ABHD17C: variants seen among roughly 807,000 people sequenced by gnomAD.
The protein encoded by ABHD17C is alpha/beta hydrolase domain-containing protein 17C.
A neutral mutation model predicts 27.9 loss-of-function variants in ABHD17C; 11 were observed. The observed-to-expected ratio is 0.39, with a 90% CI of 0.25 to 0.65. The LOEUF (loss-of-function observed/expected upper bound fraction) is 0.65. Ranked by LOEUF, ABHD17C falls within the 30% of genes least tolerant of loss-of-function variation. The pLI, the probability that ABHD17C is intolerant of heterozygous loss-of-function variation, is 0.45. For missense variants in ABHD17C, 280 were observed against 470.2 expected (o/e 0.60, Z 3.74); for synonymous variants, 233 against 209.1 (o/e 1.11, Z -0.98).
At chr15:80,713,449 C>T (rs1201918382) in intron 1 of ABHD17C, among the ~76,000 whole-genome samples, 1 of 131,956 alleles carries the variant, frequency 7.6e-6, no homozygotes, top group Non-Finnish European at 1.5e-5. Context: ...TCCCATTTGT[C>T]CAGAATTAGT....
At chr15:80,725,530 A>G (rs1054082014) in intron 1 of ABHD17C, among the ~76,000 whole-genome samples, 7 of 152,068 alleles carry the variant, frequency 4.6e-5, no homozygotes, top group Admixed American at 2.0e-4. Flanking sequence ...TTATTTATTT[A>G]GAGACAGGGT....
At chr15:80,704,165 A>C (rs1234652191) in intron 1 of ABHD17C, among the ~76,000 whole-genome samples, 1 of 152,190 alleles carries the variant, frequency 6.6e-6, no homozygotes, top group Admixed American at 6.5e-5. Flanking sequence ...AACCATATGA[A>C]GGGGTAGTGG....
intron 1 of ABHD17C, among the ~76,000 whole-genome samples, chr15:80,743,509 G>C (rs1442923972): frequency 2.0e-5 from 3 of 152,180 alleles, no homozygotes; most frequent in African/African-American, 7.2e-5. Context: ...TTTTCCCATT[G>C]TGATACTCCC....
chr15:80,730,142 G>A (rs1226123428), intron 1 of ABHD17C, among the ~76,000 whole-genome samples: 6 of 152,052 alleles, frequency 3.9e-5, no homozygotes, highest in Admixed American at 2.0e-4. Context: ...AGGGCTCAAA[G>A]TGAGCAACTA....
chr15:80,698,285 C>T (rs1047552415), intron 1 of ABHD17C, among the ~76,000 whole-genome samples: 1 of 151,998 alleles, frequency 6.6e-6, no homozygotes, highest in Non-Finnish European at 1.5e-5. Flanking sequence ...AGGATGGTCT[C>T]GACCTCCTGA....
chr15:80,752,780 A>G (rs2141526144), intron 2 of ABHD17C, among the ~76,000 whole-genome samples: 1 of 152,348 alleles, frequency 6.6e-6, no homozygotes, highest in East Asian at 1.9e-4. Context: ...TTATTTGTGG[A>G]TGAAATGACT....
intron 1 of ABHD17C, among the ~76,000 whole-genome samples, chr15:80,709,202 A>G (rs996068153): frequency 1.1e-4 from 17 of 151,662 alleles, no homozygotes; most frequent in Non-Finnish European, 2.1e-4. Flanking sequence ...AAAAAAAGCT[A>G]TTGGGGCCTG....
intron 1 of ABHD17C, among the ~76,000 whole-genome samples, chr15:80,714,543 A>G (rs574921736): frequency 1.3e-5 from 2 of 152,324 alleles, no homozygotes; most frequent in Non-Finnish European, 2.9e-5. Flanking sequence ...GAAAATATTC[A>G]CTACATGCAT....
In ABHD17C at chr15:80,722,732, C is replaced by G. The variant is rs559984930; in HGVS notation, c.590+26713C>G. On this transcript the variant is annotated intron_variant, in intron 1 of 2. Coordinates refer to ENST00000258884, the MANE Select transcript of ABHD17C (RefSeq NM_021214.2). Reference sequence around the variant, plus strand: ...CAACACCTCCCCATTACTGTCTCCCCTAACGCCTGGCAACCACCATTCTAC... The same window carrying G: ...CAACACCTCCCCATTACTGTCTCCCGTAACGCCTGGCAACCACCATTCTAC... Among the ~76,000 whole-genome samples the G allele has an allele frequency of 3.9e-5, 6 of 152,320 alleles. No individual in the cohort carries two copies. In the South Asian group the frequency reaches 1.2e-3, roughly 32 times the overall value.
intron 1 of ABHD17C, among the ~76,000 whole-genome samples, chr15:80,732,419 TAA>T (rs1204539125): frequency 6.6e-6 from 1 of 152,218 alleles, no homozygotes; most frequent in Non-Finnish European, 1.5e-5. Context: ...CATTCTGAGT[TAA>T]GTCATTAACC....
rs1274410630 is a variant in ABHD17C at position 80,695,474 on chromosome 15, G to T, written c.45G>T (p.Glu15Asp). 1 of 1,383,988 alleles carries T rather than the reference G, an allele frequency of 7.2e-7. No homozygotes were observed. Among genetic ancestry groups the T allele is most frequent in the Non-Finnish European group, 9.5e-7 (1 of 1,057,714 alleles). 85.7% of individuals were successfully genotyped at this position (1,383,988 alleles called of 1,614,324 possible). The change falls in exon 1 of 3, where the codon GAG becomes GAT. Residue 15 changes from glutamate (E) to aspartate (D), a missense_variant. Around this residue, in one of 2 missense-constraint regions of ABHD17C, gnomAD observed 74 missense variants for 75.5 expected, o/e 0.98. Coordinates refer to ENST00000258884, the MANE Select transcript of ABHD17C (RefSeq NM_021214.2). The surrounding 1 kb of genome is among the most constrained non-coding windows in gnomAD (Gnocchi z 4.3). ...GGATGAACGGCTTCTCGCTGGGTGA[G>T]CTGTGCTGGCTCTTCTGCTGCCCGC... The part of the protein sequence containing the change: ...GPRMNGFSLG[E>D]LCWLFCCPPC...
chr15:80,708,989 T>C (rs1046488607), intron 1 of ABHD17C, among the ~76,000 whole-genome samples: 1 of 152,152 alleles, frequency 6.6e-6, no homozygotes, highest in South Asian at 2.1e-4. Flanking sequence ...AGACCCCACA[T>C]AGTGACCATG....
rs181117146 is a variant in ABHD17C, at chr15:80,741,416, G to A, written c.591-8097G>A. Reference sequence around the variant, plus strand: ...TCTTACTGTAGATCCTACCAACTTTGGCAGCAGTTGTCTTTTTTCTTATTA... The same window carrying A: ...TCTTACTGTAGATCCTACCAACTTTAGCAGCAGTTGTCTTTTTTCTTATTA... On this transcript the variant is annotated intron_variant, in intron 1 of 2. Coordinates refer to ENST00000258884, the MANE Select transcript of ABHD17C (RefSeq NM_021214.2). Among the ~76,000 whole-genome samples the A allele has an allele frequency of 2.5e-3, 370 of 149,866 alleles. 1 individual carries two copies. Among genetic ancestry groups the A allele is most frequent in the Admixed American group, 0.023 (330 of 14,102 alleles).
chr15:80,703,075 T>C (rs1020255631), intron 1 of ABHD17C: 1 of 152,222 alleles, frequency 6.6e-6, no homozygotes, highest in Admixed American at 6.5e-5. Context: ...GGCACTTGCA[T>C]GTTTGGTGTC....
chr15:80,706,418 T>G (rs12594697), intron 1 of ABHD17C, among the ~76,000 whole-genome samples: 3 of 152,156 alleles, frequency 2.0e-5, no homozygotes, highest in Non-Finnish European at 2.9e-5. Context: ...TCAAGCTTAC[T>G]TGTTAACAGA....
intron 1 of ABHD17C, among the ~76,000 whole-genome samples, chr15:80,698,606 G>C (rs570583731): frequency 6.6e-6 from 1 of 152,302 alleles, no homozygotes; most frequent in Admixed American, 6.5e-5. Flanking sequence ...TTATTCTGCT[G>C]ACATAAGAGT....
intron 1 of ABHD17C, among the ~76,000 whole-genome samples, chr15:80,708,674 T>G: frequency 6.6e-6 from 1 of 152,210 alleles, no homozygotes; most frequent in East Asian, 1.9e-4. Context: ...CGTGGTCAGC[T>G]TCACTCACTC....
intron 1 of ABHD17C, among the ~76,000 whole-genome samples, chr15:80,715,253 T>A (rs1330629623): frequency 6.6e-6 from 1 of 152,186 alleles, no homozygotes; most frequent in Non-Finnish European, 1.5e-5. Flanking sequence ...CTCTCACCAT[T>A]TGGATTGGGT....
At chr15:80,717,257 C>CAAAA (rs768267153) in intron 1 of ABHD17C, among the ~76,000 whole-genome samples, 2 of 17,964 alleles carry the variant, frequency 1.1e-4, no homozygotes. Context: ...TGATGGGGGC[C>CAAAA]AAAAAAAAAA....
Sources: allele counts gnomAD v4.1 joint callset (sites outside exome capture counted in the v4.1 genomes callset), GRCh38; gene constraint gnomAD v4.1.1; regional missense constraint gnomAD v4.1.1; non-coding constraint Gnocchi (gnomAD v3.1); transcripts MANE v1.5; gene names NCBI Gene and HGNC (gene_info 2026-07-23, HGNC 2026-07-21).